The following PRR16 variants were observed in gnomAD, a reference collection of about 807,000 sequenced individuals.
PRR16 encodes the protein protein Largen.
In PRR16, 6 loss-of-function variants were observed where a neutral mutation model predicts 18.2. That is an observed-to-expected ratio of 0.33 (90% confidence interval 0.18 to 0.65). The LOEUF is 0.65. PRR16 is among the 30% of genes least tolerant of loss of function. The pLI, the probability that PRR16 is intolerant of heterozygous loss-of-function variation, is 0.74. For synonymous variants in PRR16, 151 were observed against 147.8 expected (o/e 1.02, Z -0.16); for missense variants, 412 against 376.6 (o/e 1.09, Z -0.78).
intron 1 of PRR16, among the ~76,000 whole-genome samples, chr5:120,564,987 A>T (rs1399646073): frequency 7.4e-6 from 1 of 134,490 alleles, no homozygotes; most frequent in Non-Finnish European, 1.6e-5. Flanking sequence ...CTCTGTTTCC[A>T]GAAAAAAAAA....
chr5:120,755,452 T>G, the PRR16 span, among the ~76,000 whole-genome samples: 1 of 152,038 alleles, frequency 6.6e-6, no homozygotes, highest in Non-Finnish European at 1.5e-5. Context: ...TGCCTGTTGT[T>G]TAGCTCCGAA....
At chr5:120,540,694 G>T (rs1369170805) in intron 1 of PRR16, among the ~76,000 whole-genome samples, 5 of 152,084 alleles carry the variant, frequency 3.3e-5, no homozygotes, top group Non-Finnish European at 5.9e-5. Flanking sequence ...GCATCTGGGA[G>T]TTATTTATAT....
the PRR16 span, among the ~76,000 whole-genome samples, chr5:120,712,439 CTTTCA>C: frequency 6.6e-6 from 1 of 152,004 alleles, no homozygotes; most frequent in South Asian, 2.1e-4. Flanking sequence ...TCTCTTCTTT[CTTTCA>C]TTTTATTTTT....
chr5:120,631,316 C>G (rs1262029619), intron 1 of PRR16, among the ~76,000 whole-genome samples: 1 of 152,050 alleles, frequency 6.6e-6, no homozygotes, highest in African/African-American at 2.4e-5. Flanking sequence ...CAGGAACATA[C>G]CAGGAAAGCC....
At chr5:120,751,183 C>A in the PRR16 span, among the ~76,000 whole-genome samples, 1 of 152,180 alleles carries the variant, frequency 6.6e-6, no homozygotes, top group Admixed American at 6.5e-5. Flanking sequence ...CGTATTCATT[C>A]ATTGATCGAT....
chr5:120,520,258 G>A (rs530515706), intron 1 of PRR16, among the ~76,000 whole-genome samples: 4 of 152,098 alleles, frequency 2.6e-5, no homozygotes, highest in Non-Finnish European at 5.9e-5. Flanking sequence ...AGCCAGGCAT[G>A]GTGGCAGGCG....
intron 1 of PRR16, among the ~76,000 whole-genome samples, chr5:120,685,151 G>T (rs778572110): frequency 1.3e-5 from 2 of 152,160 alleles, no homozygotes; most frequent in Non-Finnish European, 2.9e-5. Context: ...ACCAGTAAAG[G>T]TTCTGCTTTA....
At chr5:120,533,217 C>T (rs1222831484) in intron 1 of PRR16, among the ~76,000 whole-genome samples, 1 of 152,136 alleles carries the variant, frequency 6.6e-6, no homozygotes, top group Admixed American at 6.5e-5. Flanking sequence ...TTCAAGGAAT[C>T]AAATTTGGTA....
At chr5:120,703,618 T>C in the PRR16 span, among the ~76,000 whole-genome samples, 5 of 152,270 alleles carry the variant, frequency 3.3e-5, no homozygotes, top group Non-Finnish European at 7.3e-5. Context: ...GCTTTATTGA[T>C]TATCTTTTCC....
chr5:120,779,027 C>A, the PRR16 span, among the ~76,000 whole-genome samples: 2 of 152,158 alleles, frequency 1.3e-5, no homozygotes, highest in Non-Finnish European at 2.9e-5. Flanking sequence ...AAGGTACTCT[C>A]ATTCCACCAT....
chr5:120,469,065 G>T (rs1275119979), intron 1 of PRR16, among the ~76,000 whole-genome samples: 10 of 152,130 alleles, frequency 6.6e-5, no homozygotes, highest in African/African-American at 2.4e-4. Flanking sequence ...TCTTACAATG[G>T]CATAAACTGA....
the PRR16 span, among the ~76,000 whole-genome samples, chr5:120,708,238 C>A: frequency 1.3e-5 from 2 of 152,110 alleles, no homozygotes; most frequent in Non-Finnish European, 2.9e-5. Flanking sequence ...ATAAAGTAGT[C>A]AGTGTTGTTC....
chr5:120,547,559 A>C (rs982282356), intron 1 of PRR16, among the ~76,000 whole-genome samples: 1 of 145,438 alleles, frequency 6.9e-6, no homozygotes, highest in South Asian at 2.2e-4. Flanking sequence ...ATGCATTTTC[A>C]TTTTTTTTTT....
the PRR16 span, among the ~76,000 whole-genome samples, chr5:120,779,881 G>A: frequency 3.3e-5 from 5 of 152,050 alleles, no homozygotes; most frequent in African/African-American, 1.2e-4. Context: ...AGTAGCCTTG[G>A]GTCCTTTTCA....
At chr5:120,529,898 T>A (rs1187182766) in intron 1 of PRR16, among the ~76,000 whole-genome samples, 3 of 151,908 alleles carry the variant, frequency 2.0e-5, no homozygotes, top group African/African-American at 7.3e-5. Context: ...GTAAACACAA[T>A]ACAGCAGGCT....
intron 1 of PRR16, among the ~76,000 whole-genome samples, chr5:120,574,009 A>G (rs2112740918): frequency 6.6e-6 from 1 of 152,180 alleles, no homozygotes; most frequent in Admixed American, 6.6e-5. Flanking sequence ...AGAAAAAAAG[A>G]ATATATTCAT....
At chr5:120,635,758 G>T (rs56345223) in intron 1 of PRR16, among the ~76,000 whole-genome samples, 38,432 of 151,984 alleles carry the variant, frequency 0.25, 6,010 homozygotes, top group Middle Eastern at 0.4. Context: ...AGTACTGAAA[G>T]TCCTAGCCAG....
chr5:120,754,237 TAATTA>T, the PRR16 span, among the ~76,000 whole-genome samples: 1 of 21,022 alleles, frequency 4.8e-5, no homozygotes, highest in Non-Finnish European at 8.6e-5. Flanking sequence ...ATATAATATA[TAATTA>T]GATATTATAA....
chr5:120,726,827 C>G, the PRR16 span, among the ~76,000 whole-genome samples: 1 of 152,062 alleles, frequency 6.6e-6, no homozygotes. Flanking sequence ...GCTGTATATA[C>G]TTAGAAGGCC....
Sources: allele counts gnomAD v4.1 joint callset (sites outside exome capture counted in the v4.1 genomes callset), GRCh38; gene constraint gnomAD v4.1.1; transcripts MANE v1.5; gene names NCBI Gene and HGNC (gene_info 2026-07-23, HGNC 2026-07-21).